The following TDRD3 variants were observed in gnomAD, a reference collection of about 807,000 sequenced individuals.
The protein encoded by TDRD3 is tudor domain-containing protein 3.
TDRD3 carries 45 observed loss-of-function variants against 86.7 expected under a neutral mutation model. The ratio of observed to expected loss-of-function variants is 0.52; its 90% CI spans 0.41 to 0.67. The LOEUF (loss-of-function observed/expected upper bound fraction) is 0.67, where lower values mean the gene tolerates loss of function less well. Among genes scored for constraint, TDRD3 ranks in the 30% least tolerant of loss-of-function variants. TDRD3 has a pLI of 0.00. For synonymous variants in TDRD3, 298 were observed against 301.7 expected (o/e 0.99, Z 0.13); for missense variants, 814 against 889.0 (o/e 0.92, Z 1.07).
At chr13:60,482,860 C>A in intron 5 of TDRD3, among the ~76,000 whole-genome samples, 1 of 151,020 alleles carries the variant, frequency 6.6e-6, no homozygotes, top group East Asian at 1.9e-4. Flanking sequence ...AACTTTGTCA[C>A]CTATTTTACA....
intron 8 of TDRD3, among the ~76,000 whole-genome samples, chr13:60,498,709 T>A (rs181399472): frequency 6.6e-6 from 1 of 152,260 alleles, no homozygotes; most frequent in East Asian, 1.9e-4. Flanking sequence ...GTTTATGCAG[T>A]GAGTCTTTCT....
rs1463202603 is a variant in TDRD3 at position 60,397,312 on chromosome 13, C to T, written c.-53C>T. On this transcript the variant is annotated 5_prime_UTR_variant, in exon 1 of 14. Transcript: ENST00000377881. Reference sequence around the variant, plus strand: ...AGGGGGGGGGTCTCAAGTAGGAGGCCTCCCCATCACCCCCACCCCAGCCCC... The same window carrying T: ...AGGGGGGGGGTCTCAAGTAGGAGGCTTCCCCATCACCCCCACCCCAGCCCC... The T allele has an allele frequency of 1.9e-6, 2 of 1,033,992 alleles. No individual in the cohort carries two copies. Among genetic ancestry groups the T allele is most frequent in the Admixed American group, 3.1e-5 (1 of 32,136 alleles). The allele number at this position is 1,033,992 out of a possible 1,614,324, so 64.1% of individuals were successfully genotyped here. A position where few individuals can be genotyped will look rare whatever the true frequency, so the allele number is the denominator to read the frequency against.
chr13:60,432,246 G>C lies in TDRD3; in HGVS notation c.42-7442G>C, dbSNP rs987942201. Among the ~76,000 whole-genome samples, 6 of 151,992 alleles carry C rather than the reference G, an allele frequency of 3.9e-5. No individual in the cohort carries two copies. The East Asian group carries it at 1.2e-3, about 29-fold the overall frequency. On this transcript the variant is annotated intron_variant, in intron 1 of 13. Coordinates refer to ENST00000377881, the MANE Select transcript of TDRD3 (RefSeq NM_001146070.2). The stretch of plus-strand genomic sequence containing the variant: ...AATTCATGGATTCATTCAACTAACT[G>C]CTGGTGTTCCATTTTATATTCTCAT...
chr13:60,485,382 AATTGTAC>A (rs1956409249), intron 6 of TDRD3, among the ~76,000 whole-genome samples: 4 of 152,014 alleles, frequency 2.6e-5, no homozygotes, highest in African/African-American at 9.7e-5. Flanking sequence ...ATGTTAATAT[AATTGTAC>A]TAACCAATCC....
intron 8 of TDRD3, among the ~76,000 whole-genome samples, chr13:60,496,364 C>T (rs1367171235): frequency 3.1e-5 from 4 of 128,606 alleles, no homozygotes; most frequent in Non-Finnish European, 1.6e-5. Context: ...TTTTGTCCCT[C>T]TAAAGAACCC....
chr13:60,397,545 C>T, intron 1 of TDRD3, 140 bp downstream of exon 1: 1 of 571,780 alleles, frequency 1.7e-6, no homozygotes, highest in Non-Finnish European at 2.5e-6. Flanking sequence ...GCCCTTCGGG[C>T]CGGCTCCGCC....
At chr13:60,471,203 T>C (rs570349544) in intron 5 of TDRD3, among the ~76,000 whole-genome samples, 2 of 152,364 alleles carry the variant, frequency 1.3e-5, no homozygotes, top group Non-Finnish European at 2.9e-5. Context: ...AGGTCTTTGA[T>C]CCATTTTGAG....
chr13:60,493,982 A>G (rs947876990), intron 7 of TDRD3, among the ~76,000 whole-genome samples: 9 of 152,230 alleles, frequency 5.9e-5, no homozygotes, highest in Non-Finnish European at 1.2e-4. Context: ...GTTTCAATCT[A>G]ATGTTCAAAC....
chr13:60,496,692 A>G (rs1282963944), intron 8 of TDRD3, among the ~76,000 whole-genome samples: 1 of 152,122 alleles, frequency 6.6e-6, no homozygotes, highest in Non-Finnish European at 1.5e-5. Flanking sequence ...GGTTGCTTCT[A>G]AGTTTGGTGG....
chr13:60,510,948 C>A (rs1385707624), intron 10 of TDRD3, among the ~76,000 whole-genome samples, 193 bp downstream of exon 10: 1 of 151,922 alleles, frequency 6.6e-6, no homozygotes, highest in Non-Finnish European at 1.5e-5. Flanking sequence ...GCTTATTTTG[C>A]CCCCTAACTG....
intron 1 of TDRD3, among the ~76,000 whole-genome samples, chr13:60,427,506 G>A (rs930440209): frequency 2.0e-5 from 3 of 152,054 alleles, no homozygotes; most frequent in African/African-American, 4.8e-5. Context: ...GTTTGGAGTC[G>A]GCTTCGCACG....
intron 12 of TDRD3, among the ~76,000 whole-genome samples, chr13:60,554,782 C>G (rs1047844697): frequency 2.0e-5 from 3 of 152,152 alleles, no homozygotes; most frequent in Non-Finnish European, 4.4e-5. Context: ...TATGATCATA[C>G]ATTTATTATG....
chr13:60,402,232 A>C (rs1315814667), intron 1 of TDRD3, among the ~76,000 whole-genome samples: 2 of 152,174 alleles, frequency 1.3e-5, no homozygotes, highest in African/African-American at 4.8e-5. Flanking sequence ...GTTTGGTTCT[A>C]GTTTTCTTAG....
intron 8 of TDRD3, among the ~76,000 whole-genome samples, chr13:60,506,360 A>G (rs777941433): frequency 1.2e-4 from 18 of 152,248 alleles, no homozygotes; most frequent in Non-Finnish European, 1.8e-4. Flanking sequence ...TATCACCACC[A>G]GGCCTGCCTT....
At chr13:60,548,137 T>C (rs1170519526) in intron 12 of TDRD3, among the ~76,000 whole-genome samples, 1 of 151,916 alleles carries the variant, frequency 6.6e-6, no homozygotes, top group Non-Finnish European at 1.5e-5. Flanking sequence ...ACCTGAGGAG[T>C]ATAGTAGAGG....
intron 6 of TDRD3, among the ~76,000 whole-genome samples, chr13:60,484,960 TATA>T (rs1280423301): frequency 6.6e-6 from 1 of 152,156 alleles, no homozygotes; most frequent in African/African-American, 2.4e-5. Flanking sequence ...GGTTAGAGAA[TATA>T]ATAAAAGCTA....
intron 12 of TDRD3, among the ~76,000 whole-genome samples, chr13:60,538,695 A>G (rs935553410): frequency 2.0e-5 from 3 of 152,146 alleles, no homozygotes; most frequent in Non-Finnish European, 4.4e-5. Context: ...TGTTTCCCAC[A>G]GGCCCTTTCC....
chr13:60,406,623 G>A (rs1008000023), intron 1 of TDRD3, among the ~76,000 whole-genome samples: 2 of 152,134 alleles, frequency 1.3e-5, no homozygotes, highest in Admixed American at 6.5e-5. Flanking sequence ...TTAAGGACCT[G>A]CTAGTTAGGG....
At chr13:60,485,401 C>G (rs933950581) in intron 6 of TDRD3, among the ~76,000 whole-genome samples, 1 of 151,952 alleles carries the variant, frequency 6.6e-6, no homozygotes, top group Non-Finnish European at 1.5e-5. Flanking sequence ...AACCAATCCA[C>G]ATATGTATAT....
Sources: allele counts gnomAD v4.1 joint callset (sites outside exome capture counted in the v4.1 genomes callset), GRCh38; gene constraint gnomAD v4.1.1; transcripts MANE v1.5; gene names NCBI Gene and HGNC (gene_info 2026-07-23, HGNC 2026-07-21).